The following TMEM51 variants were observed in gnomAD, a reference collection of about 807,000 sequenced individuals.
The protein encoded by TMEM51 is chromosome 1 open reading frame 72.
A neutral mutation model predicts 13.6 loss-of-function variants in TMEM51; 8 were observed. That is an observed-to-expected ratio of 0.59 (90% confidence interval 0.35 to 1.07). TMEM51 has a LOEUF of 1.07. Ranked by LOEUF, TMEM51 falls within the 50% of genes least tolerant of loss-of-function variation. The pLI is 0.02. For synonymous variants in TMEM51, 147 were observed against 144.4 expected (o/e 1.02, Z -0.13); for missense variants, 279 against 330.7 (o/e 0.84, Z 1.21).
Position 15,219,647 on chromosome 1 carries a change from C to T in TMEM51, c.666C>T (p.Asp222=), listed in dbSNP as rs140576304. 13 of 1,613,924 alleles carry T rather than the reference C, an allele frequency of 8.1e-6. No homozygotes were observed. Among genetic ancestry groups the T allele is most frequent in the Non-Finnish European group, 1.1e-5 (13 of 1,180,054 alleles). Reference sequence around the variant, plus strand: ...AAGACTTTAGGATCAACCTCCCAGACAAAAACGTCCCTCCTCCCTCGATAG... The same window carrying T: ...AAGACTTTAGGATCAACCTCCCAGATAAAAACGTCCCTCCTCCCTCGATAG... The part of the protein sequence containing the change: ...HLKDFRINLP[D]KNVPPPSIEP... The change falls in exon 4 of 4, where the codon GAC becomes GAT. Residue 222 remains aspartate (D), a synonymous_variant. Transcript: ENST00000376008.
At chr1:15,176,806 C>T (rs1227199402) in intron 1 of TMEM51, among the ~76,000 whole-genome samples, 2 of 152,198 alleles carry the variant, frequency 1.3e-5, no homozygotes, top group African/African-American at 4.8e-5. Context: ...TTCTGATAGA[C>T]ACAGTGGCTG....
intron 3 of TMEM51, among the ~76,000 whole-genome samples, chr1:15,218,828 C>T (rs901002098): frequency 6.6e-6 from 1 of 152,152 alleles, no homozygotes; most frequent in African/African-American, 2.4e-5. Flanking sequence ...TCTTAAATAG[C>T]TTGCCCCTCA....
chr1:15,181,330 G>A (rs1036968589), intron 1 of TMEM51, among the ~76,000 whole-genome samples: 1 of 152,160 alleles, frequency 6.6e-6, no homozygotes, highest in African/African-American at 2.4e-5. Context: ...GAGCTGGGTG[G>A]GGCTCCAGGT....
At chr1:15,193,929 C>T (rs755528463) in intron 1 of TMEM51, among the ~76,000 whole-genome samples, 8 of 152,228 alleles carry the variant, frequency 5.3e-5, no homozygotes, top group Admixed American at 1.3e-4. Flanking sequence ...CTACATCCCA[C>T]AGACTCCAAA....
chr1:15,198,304 C>T (rs1179986164), intron 1 of TMEM51, among the ~76,000 whole-genome samples: 1 of 152,196 alleles, frequency 6.6e-6, no homozygotes, highest in Non-Finnish European at 1.5e-5. Context: ...AGTGAGCTGC[C>T]TAAGAGGCTG....
At chr1:15,216,833 A>G (rs74679414) in intron 3 of TMEM51, among the ~76,000 whole-genome samples, 396 of 152,322 alleles carry the variant, frequency 2.6e-3, no homozygotes, top group African/African-American at 9.0e-3. Context: ...GGGGGATATA[A>G]TACAGCATCT....
chr1:15,171,243 A>G, intron 1 of TMEM51: 1 of 1,304,108 alleles, frequency 7.7e-7, no homozygotes, highest in Non-Finnish European at 1.0e-6. Context: ...GCTGTTTGAG[A>G]TCAAAAGGTT....
intron 1 of TMEM51, among the ~76,000 whole-genome samples, chr1:15,172,989 C>T (rs1643338577): frequency 6.6e-6 from 1 of 152,078 alleles, no homozygotes; most frequent in Non-Finnish European, 1.5e-5. Context: ...TGGAACGTAT[C>T]CCCCGAGGAT....
At chr1:15,203,869 G>A (rs1644203211) in intron 1 of TMEM51, among the ~76,000 whole-genome samples, 1 of 152,180 alleles carries the variant, frequency 6.6e-6, no homozygotes, top group Non-Finnish European at 1.5e-5. Flanking sequence ...CCTAAGAATT[G>A]TCTTGTCTAG....
chr1:15,168,613 T>C (rs1643118108), intron 1 of TMEM51: 1 of 1,304,482 alleles, frequency 7.7e-7, no homozygotes, highest in Non-Finnish European at 1.0e-6. Context: ...ACGAAGGCCA[T>C]AGAGTTCTTC....
At chr1:15,167,272 A>G (rs1643043352) in intron 1 of TMEM51, among the ~76,000 whole-genome samples, 1 of 135,142 alleles carries the variant, frequency 7.4e-6, no homozygotes, top group Non-Finnish European at 1.5e-5. Context: ...GCTTGCAGTG[A>G]GCCGAGATGA....
intron 3 of TMEM51, 133 bp from the exon 4 acceptor site, chr1:15,219,193 C>T (rs1644473628): frequency 3.3e-6 from 3 of 911,672 alleles, no homozygotes; most frequent in Non-Finnish European, 3.3e-6. Context: ...GAAGTATTCA[C>T]TTTTATTGCC....
chr1:15,179,980 C>A (rs1408536695), intron 1 of TMEM51, among the ~76,000 whole-genome samples: 2 of 152,160 alleles, frequency 1.3e-5, no homozygotes, highest in Non-Finnish European at 2.9e-5. Context: ...ACACTAAGAT[C>A]TGTGCATTTT....
At chr1:15,173,152 G>T (rs1369437562) in intron 1 of TMEM51, among the ~76,000 whole-genome samples, 1 of 151,524 alleles carries the variant, frequency 6.6e-6, no homozygotes, top group Non-Finnish European at 1.5e-5. Context: ...TAGGGAGTAG[G>T]TCAGATGGGC....
intron 1 of TMEM51, chr1:15,192,550 G>T: frequency 5.5e-6 from 1 of 182,472 alleles, no homozygotes; most frequent in Non-Finnish European, 1.1e-5. Flanking sequence ...CGCCTCCCGG[G>T]TTCAAGCAAT....
rs74713873 is a variant in TMEM51, at chr1:15,193,346, T to C, written c.-266-17144T>C. On this transcript the variant is annotated intron_variant, in intron 1 of 3. Transcript: ENST00000376008. Reference sequence around the variant, plus strand: ...GGGATGGATATGGGCCCTTCTGTCTTGGGATAAACCTCTGAGCAGCTGCTT... The same window carrying C: ...GGGATGGATATGGGCCCTTCTGTCTCGGGATAAACCTCTGAGCAGCTGCTT... 2.3e-3 allele frequency among the ~76,000 whole-genome samples: 350 copies of C among 152,260 alleles called. 4 individuals carry two copies. The highest frequency in any genetic ancestry group is 7.8e-3 in the African/African-American group (323 of 41,536).
At chr1:15,164,807 C>CTTTTT (rs67258662) in intron 1 of TMEM51, among the ~76,000 whole-genome samples, 2 of 116,312 alleles carry the variant, frequency 1.7e-5, no homozygotes, top group African/African-American at 3.5e-5. Context: ...TTTTTTTTTC[C>CTTTTT]TTTTTTTTTT....
rs746810229 is a variant in TMEM51 at position 15,159,742 on chromosome 1, C to T, written c.-267+5788C>T. Among the ~76,000 whole-genome samples the T allele has an allele frequency of 9.1e-4, 138 of 152,016 alleles. 1 individual carries two copies. The highest frequency in any genetic ancestry group is 1.8e-3 in the Non-Finnish European group (123 of 67,980). ...CAGCTAATTTTTGTATTTTTAGTAG[C>T]GATGGGATTTCACCATGTTGGCCAG... On this transcript the variant is annotated intron_variant, in intron 1 of 3. Transcript: ENST00000376008.
At chr1:15,200,842 G>A (rs192700118) in intron 1 of TMEM51, among the ~76,000 whole-genome samples, 5 of 152,230 alleles carry the variant, frequency 3.3e-5, no homozygotes, top group Admixed American at 2.0e-4. Flanking sequence ...AGGGAAAAAC[G>A]ACACTAAGAA....
Sources: allele counts gnomAD v4.1 joint callset (sites outside exome capture counted in the v4.1 genomes callset), GRCh38; gene constraint gnomAD v4.1.1; transcripts MANE v1.5; gene names NCBI Gene and HGNC (gene_info 2026-07-23, HGNC 2026-07-21).